NRG3: variants seen among roughly 807,000 people sequenced by gnomAD.
NRG3 encodes the protein pro-neuregulin-3, membrane-bound isoform.
In NRG3, 31 loss-of-function variants were observed where a neutral mutation model predicts 66.9. The observed-to-expected ratio is 0.46, with a 90% CI of 0.35 to 0.63. The LOEUF (loss-of-function observed/expected upper bound fraction) is 0.63. NRG3 is among the 20% of genes least tolerant of loss of function. The pLI is 0.00. For synonymous variants in NRG3, 393 were observed against 359.4 expected (o/e 1.09, Z -1.06); for missense variants, 910 against 878.9 (o/e 1.04, Z -0.45).
At chr10:82,436,451 T>G (rs2090145563) in intron 2 of NRG3, among the ~76,000 whole-genome samples, 2 of 152,192 alleles carry the variant, frequency 1.3e-5, no homozygotes, top group African/African-American at 4.8e-5. Flanking sequence ...GTGGGTCTTC[T>G]GAAAACAGTA....
intron 1 of NRG3, among the ~76,000 whole-genome samples, chr10:81,876,869 A>G (rs973452547): frequency 6.6e-6 from 1 of 151,826 alleles, no homozygotes; most frequent in Non-Finnish European, 1.5e-5. Flanking sequence ...TGAGTTAACT[A>G]GGAGGAAATA....
chr10:81,902,203 A>C (rs978534617), intron 1 of NRG3, among the ~76,000 whole-genome samples: 8 of 152,146 alleles, frequency 5.3e-5, no homozygotes, highest in African/African-American at 1.9e-4. Flanking sequence ...TCTCCAGCTG[A>C]ATTCCTGAGC....
At chr10:82,514,343 A>C (rs902357106) in intron 2 of NRG3, among the ~76,000 whole-genome samples, 3 of 152,164 alleles carry the variant, frequency 2.0e-5, no homozygotes, top group Admixed American at 6.5e-5. Flanking sequence ...CCTTTAATCC[A>C]TCTTCAGTTA....
chr10:82,714,001 C>T (rs1322044675), intron 2 of NRG3, among the ~76,000 whole-genome samples: 1 of 152,106 alleles, frequency 6.6e-6, no homozygotes, highest in Non-Finnish European at 1.5e-5. Context: ...GCTGAATGTA[C>T]ACCATAGGGC....
At chr10:82,438,919 T>A (rs1049963912) in intron 2 of NRG3, among the ~76,000 whole-genome samples, 1 of 152,008 alleles carries the variant, frequency 6.6e-6, no homozygotes, top group Non-Finnish European at 1.5e-5. Context: ...TGGATTCACA[T>A]GCTTATTATG....
chr10:82,928,625 T>TTTA (rs1554843946), intron 4 of NRG3, among the ~76,000 whole-genome samples: 31 of 150,066 alleles, frequency 2.1e-4, no homozygotes, highest in Admixed American at 1.8e-3. Flanking sequence ...TTTTTTTTTT[T>TTTA]AAAAGTAAAT....
At chr10:82,805,175 C>T (rs140268427) in intron 3 of NRG3, among the ~76,000 whole-genome samples, 1 of 152,288 alleles carries the variant, frequency 6.6e-6, no homozygotes, top group African/African-American at 2.4e-5. Context: ...GATGGCAATG[C>T]TGCAAGACCA....
chr10:82,526,236 T>A (rs950127503), intron 2 of NRG3, among the ~76,000 whole-genome samples: 3 of 151,734 alleles, frequency 2.0e-5, no homozygotes, highest in African/African-American at 7.2e-5. Flanking sequence ...AATTGCAGGA[T>A]AAAAAATGCT....
intron 4 of NRG3, among the ~76,000 whole-genome samples, chr10:82,905,356 T>C (rs905608129): frequency 6.6e-6 from 1 of 152,150 alleles, no homozygotes; most frequent in Non-Finnish European, 1.5e-5. Flanking sequence ...CCTTAATTTC[T>C]TTGTCTTCTT....
At chr10:82,056,672 G>C (rs2063860825) in intron 1 of NRG3, among the ~76,000 whole-genome samples, 1 of 152,108 alleles carries the variant, frequency 6.6e-6, no homozygotes, top group Non-Finnish European at 1.5e-5. Context: ...TTTTTTAACA[G>C]TCTAGTTGGG....
intron 2 of NRG3, among the ~76,000 whole-genome samples, chr10:82,546,030 A>G (rs575457136): frequency 6.6e-6 from 1 of 152,034 alleles, no homozygotes; most frequent in Non-Finnish European, 1.5e-5. Context: ...CAGCCTCCCA[A>G]AGTGCTGGGA....
chr10:82,600,979 G>T (rs189233112), intron 2 of NRG3, among the ~76,000 whole-genome samples: 1 of 152,064 alleles, frequency 6.6e-6, no homozygotes, highest in Admixed American at 6.5e-5. Flanking sequence ...AGTGTCTGTT[G>T]TTCCCATCTT....
chr10:82,487,663 A>G (rs899773390), intron 2 of NRG3, among the ~76,000 whole-genome samples: 8 of 152,202 alleles, frequency 5.3e-5, no homozygotes, highest in Admixed American at 1.3e-4. Context: ...TACACAGTTT[A>G]TTAGAAAAAG....
At position 82,443,937 on chromosome 10, in the gene NRG3, G is replaced by A. The variant is rs184152286; in HGVS notation, c.953+85069G>A. Among the ~76,000 whole-genome samples, 32 of 152,248 alleles carry A rather than the reference G, an allele frequency of 2.1e-4. 1 individual carries two copies. The East Asian group carries it at 3.9e-3, about 18-fold the overall frequency. On this transcript the variant is annotated intron_variant, in intron 2 of 8. Coordinates refer to ENST00000372141, the MANE Select transcript of NRG3 (RefSeq NM_001010848.4). ...TATGGGGATAATAGGGAACACAGCC[G>A]TTATCATAAATACTGGGAAATAAAA... is the stretch of plus-strand genomic sequence containing the variant.
At chr10:82,983,237 T>C (rs1341814364) in intron 8 of NRG3, among the ~76,000 whole-genome samples, 1 of 152,184 alleles carries the variant, frequency 6.6e-6, no homozygotes, top group Non-Finnish European at 1.5e-5. Context: ...TTTTCATACA[T>C]ACAAATCATG....
intron 1 of NRG3, among the ~76,000 whole-genome samples, chr10:82,253,493 G>A (rs945726958): frequency 1.8e-4 from 28 of 152,038 alleles, no homozygotes; most frequent in African/African-American, 5.3e-4. Flanking sequence ...TTTTTCTTTC[G>A]AGCTCACTCT....
At chr10:82,456,387 G>A (rs1474370630) in intron 2 of NRG3, among the ~76,000 whole-genome samples, 4 of 151,712 alleles carry the variant, frequency 2.6e-5, no homozygotes, top group South Asian at 4.2e-4. Context: ...GGCTGGTATC[G>A]AACTCCTAAG....
At chr10:82,706,854 C>T (rs1348822080) in intron 2 of NRG3, among the ~76,000 whole-genome samples, 1 of 151,698 alleles carries the variant, frequency 6.6e-6, no homozygotes, top group Non-Finnish European at 1.5e-5. Flanking sequence ...ATTAGCCAGG[C>T]GTGGTGGTGC....
At chr10:82,460,104 G>A (rs915892362) in intron 2 of NRG3, among the ~76,000 whole-genome samples, 3 of 152,038 alleles carry the variant, frequency 2.0e-5, no homozygotes, top group African/African-American at 7.3e-5. Context: ...TTACAAGCCC[G>A]TTCCATTACA....
Sources: gnomAD v4.1 joint callset for allele counts (sites outside exome capture counted in the v4.1 genomes callset) on GRCh38, gnomAD v4.1.1 for gene constraint, MANE v1.5 for transcripts, NCBI Gene and HGNC (gene_info 2026-07-23, HGNC 2026-07-21) for gene names.